The following HORMAD2 variants were observed in gnomAD, a reference collection of about 807,000 sequenced individuals.
The protein encoded by HORMAD2 is HORMA domain containing 2, also known as HORMA domain-containing protein 2.
A neutral mutation model predicts 38.8 loss-of-function variants in HORMAD2; 45 were observed. That is an observed-to-expected ratio of 1.16 (90% CI 0.91 to 1.49). The LOEUF (loss-of-function observed/expected upper bound fraction) is 1.49, where lower values mean the gene tolerates loss of function less well. Among genes scored for constraint, HORMAD2 ranks in the 40% most tolerant of loss-of-function variants. HORMAD2 has a pLI of 0.00. For missense variants in HORMAD2, 338 were observed against 367.0 expected, an observed-to-expected ratio of 0.92 and a Z score of 0.65; for synonymous variants, 126 against 122.8, an observed-to-expected ratio of 1.03 and a Z score of -0.17.
chr22:30,112,971 GC>G (rs1437009006), intron 7 of HORMAD2, among the ~76,000 whole-genome samples: 1 of 151,372 alleles, frequency 6.6e-6, no homozygotes, highest in Non-Finnish European at 1.5e-5. Context: ...TTTCATTTTT[GC>G]CAACTAAATT....
At chr22:30,117,794 G>A (rs1224843990) in intron 7 of HORMAD2, among the ~76,000 whole-genome samples, 2 of 152,196 alleles carry the variant, frequency 1.3e-5, no homozygotes, top group Non-Finnish European at 1.5e-5. Context: ...GATTATGGGC[G>A]TGAGCCACCA....
At chr22:30,161,207 AT>A (rs1267004385) in intron 10 of HORMAD2, among the ~76,000 whole-genome samples, 4 of 152,064 alleles carry the variant, frequency 2.6e-5, no homozygotes, top group Non-Finnish European at 5.9e-5. Context: ...ATCTTAGACA[AT>A]TTTCATACCA....
the HORMAD2 span, among the ~76,000 whole-genome samples, chr22:30,185,178 C>G: frequency 8.5e-5 from 13 of 152,266 alleles, 1 homozygote; most frequent in Middle Eastern, 0.017. Context: ...ATGGAGGGTT[C>G]CCTTGAGGGA....
intron 10 of HORMAD2, among the ~76,000 whole-genome samples, chr22:30,123,969 C>T (rs575965470): frequency 6.6e-6 from 1 of 151,730 alleles, no homozygotes; most frequent in African/African-American, 2.4e-5. Context: ...AGATTTTTAC[C>T]TTTTAATTAA....
intron 10 of HORMAD2, among the ~76,000 whole-genome samples, chr22:30,174,691 A>G (rs188402030): frequency 6.6e-5 from 10 of 152,300 alleles, no homozygotes; most frequent in Admixed American, 1.3e-4. Context: ...CCCAGATTTG[A>G]TAGAAGTGAG....
intron 10 of HORMAD2, among the ~76,000 whole-genome samples, chr22:30,136,343 A>G (rs1218687073): frequency 6.6e-6 from 1 of 152,210 alleles, no homozygotes; most frequent in Non-Finnish European, 1.5e-5. Flanking sequence ...TTTAAAATGT[A>G]CAACTTAATG....
intron 10 of HORMAD2, among the ~76,000 whole-genome samples, chr22:30,147,415 A>G (rs190734182): frequency 1.3e-5 from 2 of 150,388 alleles, no homozygotes; most frequent in East Asian, 3.9e-4. Context: ...GGATAGTCAT[A>G]TGGAAAAAAA....
intron 7 of HORMAD2, among the ~76,000 whole-genome samples, chr22:30,113,493 C>T (rs1921815846): frequency 6.6e-6 from 1 of 152,140 alleles, no homozygotes; most frequent in South Asian, 2.1e-4. Context: ...CTGCCTCCTC[C>T]TCCCAAAGTG....
chr22:30,179,147 G>A (rs1158290716), downstream of HORMAD2, among the ~76,000 whole-genome samples: 1 of 152,120 alleles, frequency 6.6e-6, no homozygotes. Context: ...AAACCCAACA[G>A]TATTGGATAT....
downstream of HORMAD2, among the ~76,000 whole-genome samples, chr22:30,181,493 C>T (rs986042157): frequency 5.9e-5 from 9 of 152,252 alleles, no homozygotes; most frequent in Middle Eastern, 6.8e-3. Flanking sequence ...AAGCATCAGA[C>T]GAAGCTTAAT....
At chr22:30,111,459 C>G (rs377233908) in intron 5 of HORMAD2, among the ~76,000 whole-genome samples, 1 of 152,090 alleles carries the variant, frequency 6.6e-6, no homozygotes, top group African/African-American at 2.4e-5. Context: ...ACACTCCAAC[C>G]TGGGTGACAG....
At chr22:30,107,693 T>C (rs1476494996) in intron 5 of HORMAD2, among the ~76,000 whole-genome samples, 1 of 151,158 alleles carries the variant, frequency 6.6e-6, no homozygotes, top group African/African-American at 2.4e-5. Context: ...GAGGTTGCAG[T>C]GAGCTGAGAC....
chr22:30,185,394 G>T, the HORMAD2 span, among the ~76,000 whole-genome samples: 1 of 152,318 alleles, frequency 6.6e-6, no homozygotes, highest in South Asian at 2.1e-4. Flanking sequence ...CAGGGAAGCT[G>T]TTTTTATTAA....
chr22:30,177,533 A>C (rs931237240), downstream of HORMAD2, among the ~76,000 whole-genome samples: 3 of 152,258 alleles, frequency 2.0e-5, no homozygotes, highest in African/African-American at 4.8e-5. Context: ...TGAAAGAAGG[A>C]GGGGAAAGGT....
At chr22:30,173,295 C>T (rs935194824) in intron 10 of HORMAD2, among the ~76,000 whole-genome samples, 3 of 152,190 alleles carry the variant, frequency 2.0e-5, no homozygotes, top group Non-Finnish European at 4.4e-5. Context: ...TATGAGACTA[C>T]TTGTGCTCCA....
At chr22:30,146,184 T>C in intron 10 of HORMAD2, among the ~76,000 whole-genome samples, 1 of 152,144 alleles carries the variant, frequency 6.6e-6, no homozygotes, top group South Asian at 2.1e-4. Context: ...TCAACATCCA[T>C]TTGTGACTTG....
intron 5 of HORMAD2, among the ~76,000 whole-genome samples, chr22:30,109,035 C>CTTTT (rs952075292): frequency 7.5e-6 from 1 of 133,288 alleles, no homozygotes; most frequent in African/African-American, 2.8e-5. Context: ...TTCCTTTCTT[C>CTTTT]TTTTTTTTTT....
In HORMAD2 at chr22:30,096,366, A is replaced by G. The variant is rs573088824; in HGVS notation, c.51+2363A>G. Among the ~76,000 whole-genome samples the G allele has an allele frequency of 1.3e-3, 195 of 152,306 alleles. 1 individual carries two copies. Among genetic ancestry groups the G allele is most frequent in the African/African-American group, 4.6e-3 (191 of 41,558 alleles). Reference sequence around the variant, plus strand: ...ATTATATACTGCCAAGCACTTTTCCAAAGAGGTTGTGCCCATTTACCCTCC... The same window carrying G: ...ATTATATACTGCCAAGCACTTTTCCGAAGAGGTTGTGCCCATTTACCCTCC... On this transcript the variant is annotated intron_variant, in intron 2 of 10. Transcript: ENST00000336726.
chr22:30,123,404 G>T (rs1277632172), intron 10 of HORMAD2, among the ~76,000 whole-genome samples: 2 of 152,052 alleles, frequency 1.3e-5, no homozygotes, highest in African/African-American at 4.8e-5. Flanking sequence ...GTGCAACCAT[G>T]ACTCACTGGT....
Sources: gnomAD v4.1 joint callset for allele counts (sites outside exome capture counted in the v4.1 genomes callset) on GRCh38, gnomAD v4.1.1 for gene constraint, MANE v1.5 for transcripts, NCBI Gene and HGNC (gene_info 2026-07-23, HGNC 2026-07-21) for gene names.